Variants in NCK1 observed in about 807,000 individuals in gnomAD.
The protein encoded by NCK1 is NCK adaptor protein 1.
A neutral mutation model predicts 36.6 loss-of-function variants in NCK1; 19 were observed. The observed-to-expected ratio is 0.52, with a 90% confidence interval of 0.36 to 0.76. The LOEUF (loss-of-function observed/expected upper bound fraction) is 0.76, where lower values mean the gene tolerates loss of function less well. Ranked by LOEUF, NCK1 falls within the 30% of genes least tolerant of loss-of-function variation. The pLI is 0.00. For missense variants in NCK1, 358 were observed against 445.6 expected (o/e 0.80, Z 1.77); for synonymous variants, 165 against 156.0 (o/e 1.06, Z -0.43).
Position 136,948,327 on chromosome 3 carries a change from G to C in NCK1, c.1008G>C (p.Glu336Asp), listed in dbSNP as rs753789797. Residue 336 changes from glutamate to aspartate, a missense_variant, in exon 4 of 4, where the codon GAG becomes GAC. Transcript: ENST00000481752. Reference protein sequence around the residue: ...KNKHFKVQLKETVYCIGQRKF... With the variant: ...KNKHFKVQLKDTVYCIGQRKF... ...AGCATTTTAAAGTCCAACTAAAAGA[G>C]ACTGTCTACTGCATTGGGCAGCGTA... 6.2e-7 allele frequency: 1 copy of C among 1,612,362 alleles called. No homozygotes were observed.
chr3:136,930,140 C>A (rs1260482718), intron 2 of NCK1, among the ~76,000 whole-genome samples: 1 of 152,066 alleles, frequency 6.6e-6, no homozygotes, highest in Non-Finnish European at 1.5e-5. Flanking sequence ...ATTTCTGTAT[C>A]CCTTTTTGGT....
chr3:136,881,538 C>T (rs970072512), intron 1 of NCK1, among the ~76,000 whole-genome samples: 1 of 152,052 alleles, frequency 6.6e-6, no homozygotes. Flanking sequence ...TTGTGGTAAA[C>T]TGCATAAGCA....
chr3:136,866,022 C>T lies in NCK1; in HGVS notation c.-19+3669C>T, dbSNP rs538828198. On this transcript the variant is annotated intron_variant, in intron 1 of 3. Transcript: ENST00000481752. ...GTTTTTTGCTTGATTTTTCTCTCTACTTAGTATGTCTTCCTAAATCTTAGA... is the reference window on the plus strand; with the variant it reads ...GTTTTTTGCTTGATTTTTCTCTCTATTTAGTATGTCTTCCTAAATCTTAGA... Among the ~76,000 whole-genome samples, 15 of 152,266 alleles carry T rather than the reference C, an allele frequency of 9.9e-5. No homozygotes were observed. In the South Asian group the frequency reaches 1.9e-3, roughly 19 times the overall value.
At chr3:136,892,342 T>G (rs1939268699) in intron 1 of NCK1, among the ~76,000 whole-genome samples, 1 of 152,242 alleles carries the variant, frequency 6.6e-6, no homozygotes, top group Admixed American at 6.5e-5. Flanking sequence ...ATACAAAGTA[T>G]GTTAAAAAGA....
intron 1 of NCK1, among the ~76,000 whole-genome samples, chr3:136,906,833 A>T (rs1218180734): frequency 2.0e-5 from 3 of 152,030 alleles, no homozygotes; most frequent in Admixed American, 6.6e-5. Flanking sequence ...AGACCCTGGG[A>T]GGAGTGCTTA....
At chr3:136,942,515 C>T (rs890919442) in intron 2 of NCK1, among the ~76,000 whole-genome samples, 3 of 152,144 alleles carry the variant, frequency 2.0e-5, no homozygotes, top group Non-Finnish European at 4.4e-5. Context: ...AAAACCTCTC[C>T]CCATCTTTAC....
At chr3:136,942,248 T>C (rs912046174) in intron 2 of NCK1, among the ~76,000 whole-genome samples, 2 of 152,244 alleles carry the variant, frequency 1.3e-5, no homozygotes, top group Non-Finnish European at 2.9e-5. Flanking sequence ...TTTTGCTAAA[T>C]ATAGAATTCT....
intron 1 of NCK1, among the ~76,000 whole-genome samples, chr3:136,913,494 C>G (rs1442002530): frequency 6.6e-6 from 1 of 152,134 alleles, no homozygotes; most frequent in African/African-American, 2.4e-5. Context: ...TCTAGAACTC[C>G]TAGGCTCAAG....
intron 2 of NCK1, among the ~76,000 whole-genome samples, chr3:136,939,235 T>C (rs1392989814): frequency 6.6e-6 from 1 of 152,188 alleles, no homozygotes; most frequent in Non-Finnish European, 1.5e-5. Flanking sequence ...TTGATGTTTT[T>C]CTTCTAGGTT....
intron 1 of NCK1, among the ~76,000 whole-genome samples, chr3:136,866,385 G>A (rs1428371790): frequency 1.3e-5 from 2 of 150,230 alleles, no homozygotes; most frequent in East Asian, 2.0e-4. Context: ...TCGGCTCCCC[G>A]TAACCTCTGC....
At chr3:136,871,106 A>C (rs975492188) in intron 1 of NCK1, among the ~76,000 whole-genome samples, 3 of 151,790 alleles carry the variant, frequency 2.0e-5, no homozygotes, top group African/African-American at 7.3e-5. Flanking sequence ...TTTTTTAAAA[A>C]ATTGTTTAGT....
intron 1 of NCK1, among the ~76,000 whole-genome samples, chr3:136,890,952 C>T (rs967665171): frequency 6.6e-5 from 10 of 152,310 alleles, no homozygotes; most frequent in Non-Finnish European, 1.2e-4. Flanking sequence ...TTTGACAACT[C>T]CTGGAACCAT....
chr3:136,911,694 G>A (rs1462467819), intron 1 of NCK1, among the ~76,000 whole-genome samples: 1 of 152,032 alleles, frequency 6.6e-6, no homozygotes, highest in Non-Finnish European at 1.5e-5. Flanking sequence ...CTGTCTCTTC[G>A]CTTTGTTAAT....
intron 1 of NCK1, among the ~76,000 whole-genome samples, chr3:136,918,443 T>C (rs935592673): frequency 6.6e-6 from 1 of 152,180 alleles, no homozygotes; most frequent in Admixed American, 6.5e-5. Flanking sequence ...AATCTAGAGA[T>C]GACTTAACGT....
At chr3:136,877,761 G>T (rs927548724) in intron 1 of NCK1, among the ~76,000 whole-genome samples, 7 of 152,130 alleles carry the variant, frequency 4.6e-5, no homozygotes, top group Non-Finnish European at 8.8e-5. Context: ...CTAAGTGGCG[G>T]GAGCAAAAGT....
chr3:136,864,484 T>TCACA (rs56853411), intron 1 of NCK1, among the ~76,000 whole-genome samples: 1 of 26,034 alleles, frequency 3.8e-5, no homozygotes, highest in African/African-American at 7.6e-5. Context: ...CAAGATTCCG[T>TCACA]CACACACACA....
intron 1 of NCK1, among the ~76,000 whole-genome samples, chr3:136,894,773 G>C (rs1939347216): frequency 6.6e-6 from 1 of 152,036 alleles, no homozygotes; most frequent in Non-Finnish European, 1.5e-5. Flanking sequence ...CTGATAAGTT[G>C]TTTCCTGCAT....
intron 1 of NCK1, among the ~76,000 whole-genome samples, chr3:136,865,210 C>T (rs1316794321): frequency 1.3e-5 from 2 of 152,142 alleles, no homozygotes; most frequent in Non-Finnish European, 2.9e-5. Flanking sequence ...CCTGCCTCGG[C>T]CTCCCAAAGT....
At chr3:136,927,927 G>A (rs1409444818) in intron 1 of NCK1, 57 bp from the exon 2 acceptor site, 2 of 1,216,178 alleles carry the variant, frequency 1.6e-6, no homozygotes, top group Non-Finnish European at 2.4e-6. Flanking sequence ...CTTTTGAAAA[G>A]CATGTGAACT....
Sources: allele counts gnomAD v4.1 joint callset (sites outside exome capture counted in the v4.1 genomes callset), GRCh38; gene constraint gnomAD v4.1.1; transcripts MANE v1.5; gene names NCBI Gene and HGNC (gene_info 2026-07-23, HGNC 2026-07-21).